The following DENND2B variants were observed in gnomAD, a reference collection of about 807,000 sequenced individuals.
The protein encoded by DENND2B is DENN domain containing 2B.
In DENND2B, 32 loss-of-function variants were observed where a neutral mutation model predicts 116.0. The observed-to-expected ratio is 0.28, with a 90% CI of 0.21 to 0.37. DENND2B has a LOEUF of 0.37. Among genes scored for constraint, DENND2B ranks in the 10% least tolerant of loss-of-function variants. The pLI is 1.00. For synonymous variants in DENND2B, 588 were observed against 583.9 expected (o/e 1.01, Z -0.10); for missense variants, 1,276 against 1,477.7 (o/e 0.86, Z 2.24).
At chr11:8,778,270 C>T (rs2057965593) in intron 1 of DENND2B, among the ~76,000 whole-genome samples, 2 of 152,226 alleles carry the variant, frequency 1.3e-5, no homozygotes, top group Non-Finnish European at 2.9e-5. Flanking sequence ...CCTGTGGCAT[C>T]CAGACAGTAT....
chr11:8,707,219 C>G lies in DENND2B; in HGVS notation c.2437G>C (p.Asp813His). 1 of 1,611,700 alleles carries G rather than the reference C, an allele frequency of 6.2e-7. No homozygotes were observed. The highest frequency in any genetic ancestry group is 8.5e-7 in the Non-Finnish European group (1 of 1,178,562). The change falls in exon 13 of 20, where the codon GAT (aspartate) becomes CAT (histidine). Residue 813 changes from aspartate (D) to histidine (H), a missense_variant. Physicochemically the swap from Asp to His is moderately conservative, Grantham distance 81. Transcript: ENST00000313726. The surrounding 1 kb of genome is among the most constrained non-coding windows in gnomAD (Gnocchi z 4.8). The stretch of plus-strand genomic sequence containing the variant: ...ATCCCACGCCGGCGCTCCACCTCAT[C>G]TAGGACCTGTGCCCACCGCCAGCAG... ...GCFGLFSKVL[D>H]EVERRRGISA...
chr11:8,756,313 C>A (rs1565862599), intron 1 of DENND2B, among the ~76,000 whole-genome samples: 1 of 152,152 alleles, frequency 6.6e-6, no homozygotes, highest in Non-Finnish European at 1.5e-5. Flanking sequence ...GAACACAGAG[C>A]CAACTTACTA....
chr11:8,704,790 C>T (rs781207175), intron 13 of DENND2B, among the ~76,000 whole-genome samples: 4 of 152,216 alleles, frequency 2.6e-5, no homozygotes, highest in Middle Eastern at 3.4e-3. Context: ...CTTCACCTCC[C>T]GAGTTCAAGA....
chr11:8,888,565 T>C (rs1398109760), intron 1 of DENND2B, among the ~76,000 whole-genome samples: 3 of 152,012 alleles, frequency 2.0e-5, no homozygotes, highest in East Asian at 1.9e-4. Context: ...AAAGAAAAAA[T>C]TGATATATTG....
At chr11:8,722,073 A>G (rs1481090496) in intron 4 of DENND2B, among the ~76,000 whole-genome samples, 1 of 152,246 alleles carries the variant, frequency 6.6e-6, no homozygotes, top group Non-Finnish European at 1.5e-5. Flanking sequence ...GTGAGATGGG[A>G]CAGGCGGGAA....
intron 4 of DENND2B, among the ~76,000 whole-genome samples, chr11:8,818,595 AC>A (rs1456936690): frequency 6.6e-6 from 1 of 151,448 alleles, no homozygotes; most frequent in African/African-American, 2.4e-5. Context: ...CTCTAGCCCT[AC>A]CCCCCAGTAC....
chr11:8,717,707 C>G (rs753913490), intron 5 of DENND2B, 34 bp downstream of exon 5: 3 of 1,505,550 alleles, frequency 2.0e-6, no homozygotes, highest in South Asian at 2.8e-5. Context: ...GGCCCTCACG[C>G]TAACCCTACA....
rs1388187543 is a variant in DENND2B at position 8,707,316 on chromosome 11, C to T, written c.2431-91G>A. The T allele has an allele frequency of 2.0e-6, 3 of 1,486,150 alleles. No individual in the cohort carries two copies. Among genetic ancestry groups the T allele is most frequent in the East Asian group, 2.3e-5 (1 of 43,232 alleles). 92.1% of individuals were successfully genotyped at this position (1,486,150 alleles called of 1,614,324 possible). ...GAGAAGAGGGCAGCCAAGCATCTGA[C>T]CAGGCTAGCCCAGAAGCTGGGAGAC... On this transcript the variant is annotated intron_variant, in intron 12 of 19. Coordinates refer to ENST00000313726, the MANE Select transcript of DENND2B (RefSeq NM_213618.2). The surrounding 1 kb of genome is among the most constrained non-coding windows in gnomAD (Gnocchi z 4.8).
intron 3 of DENND2B, among the ~76,000 whole-genome samples, chr11:8,850,587 G>T (rs1041506747): frequency 6.6e-6 from 1 of 151,836 alleles, no homozygotes; most frequent in Non-Finnish European, 1.5e-5. Context: ...AATATAAAGT[G>T]GTACAGCCAT....
chr11:8,909,318 C>T (rs988172200), intron 1 of DENND2B, among the ~76,000 whole-genome samples: 4 of 152,054 alleles, frequency 2.6e-5, no homozygotes, highest in African/African-American at 9.7e-5. Context: ...GAGCCGAGAT[C>T]GTGCCACTGC....
At position 8,714,575 on chromosome 11, in the gene DENND2B, C is replaced by A. The variant is rs749660906; in HGVS notation, c.1942+35G>T. 2.5e-6 allele frequency: 4 copies of A among 1,590,374 alleles called. No homozygotes were observed. The South Asian group carries it at 4.4e-5, about 18-fold the overall frequency. On this transcript the variant is annotated intron_variant, in intron 7 of 19. Transcript: ENST00000313726. ...TCCCGTTCCTAATGCCCAAGGGCCC[C>A]AAACAGCTGAACCAGCTCTGGCACC... is the stretch of plus-strand genomic sequence containing the variant.
Position 8,776,156 on chromosome 11 carries a change from G to GCA in DENND2B, c.-25-25432_-25-25431insTG, listed in dbSNP as rs752637012. ...GACACGCACGTGCGCGCACGCGCGCGCGCGCACACACACACACACACACAC... is the reference window on the plus strand; with the variant it reads ...GACACGCACGTGCGCGCACGCGCGCGCACGCGCACACACACACACACACACAC... On this transcript the variant is annotated intron_variant, in intron 1 of 19. Coordinates refer to ENST00000313726, the MANE Select transcript of DENND2B (RefSeq NM_213618.2). The GCA allele has an allele frequency of 4.4e-5, 14 of 318,326 alleles. 1 individual carries two copies. Among genetic ancestry groups the GCA allele is most frequent in the African/African-American group, 7.1e-5 (2 of 28,248 alleles). 19.7% of individuals were successfully genotyped at this position (318,326 alleles called of 1,614,324 possible).
At chr11:8,830,281 C>G (rs1207519509) in intron 4 of DENND2B, among the ~76,000 whole-genome samples, 1 of 152,178 alleles carries the variant, frequency 6.6e-6, no homozygotes, top group Non-Finnish European at 1.5e-5. Context: ...AACATCTCTC[C>G]TTTCCTTATA....
chr11:8,800,899 T>C (rs2060254200), intron 1 of DENND2B, among the ~76,000 whole-genome samples: 1 of 151,986 alleles, frequency 6.6e-6, no homozygotes, highest in Admixed American at 6.6e-5. Flanking sequence ...CCACCACTCC[T>C]CTGAAAGAGG....
intron 3 of DENND2B, among the ~76,000 whole-genome samples, chr11:8,855,934 TC>T (rs1213922904): frequency 6.6e-6 from 1 of 152,096 alleles, no homozygotes; most frequent in Non-Finnish European, 1.5e-5. Flanking sequence ...CCTGGTAAAT[TC>T]CAGTCAACCA....
At chr11:8,759,468 G>A (rs377264841) in intron 1 of DENND2B, among the ~76,000 whole-genome samples, 5 of 152,220 alleles carry the variant, frequency 3.3e-5, no homozygotes, top group African/African-American at 7.2e-5. Flanking sequence ...CAAGATGCCC[G>A]AAAATAGGAA....
chr11:8,715,932 A>G (rs2044681942), intron 5 of DENND2B, 114 bp from the exon 6 acceptor site: 1 of 974,722 alleles, frequency 1.0e-6, no homozygotes, highest in South Asian at 1.7e-5. Context: ...GATCCCCGCC[A>G]TCTTGCCCTG....
chr11:8,770,814 C>T (rs1377164002), intron 1 of DENND2B, among the ~76,000 whole-genome samples: 3 of 152,148 alleles, frequency 2.0e-5, no homozygotes, highest in Non-Finnish European at 4.4e-5. Context: ...CTCAGCCTTC[C>T]CAAGTAGCTG....
intron 1 of DENND2B, among the ~76,000 whole-genome samples, chr11:8,897,531 A>G (rs1037518333): frequency 6.6e-6 from 1 of 152,182 alleles, no homozygotes; most frequent in Admixed American, 6.5e-5. Context: ...GGGAAAGTCA[A>G]TATCATTGCT....
Sources: allele counts gnomAD v4.1 joint callset (sites outside exome capture counted in the v4.1 genomes callset), GRCh38; gene constraint gnomAD v4.1.1; non-coding constraint Gnocchi (gnomAD v3.1); transcripts MANE v1.5; gene names NCBI Gene and HGNC (gene_info 2026-07-23, HGNC 2026-07-21).